The following ETFDH variants were observed in gnomAD, a reference collection of about 807,000 sequenced individuals.
ETFDH encodes the protein electron transfer flavoprotein-ubiquinone oxidoreductase, mitochondrial.
A neutral mutation model predicts 73.2 loss-of-function variants in ETFDH; 61 were observed. The ratio of observed to expected loss-of-function variants is 0.83; its 90% confidence interval spans 0.68 to 1.03. ETFDH has a LOEUF of 1.03. Among genes scored for constraint, ETFDH ranks in the 50% least tolerant of loss-of-function variants. The pLI is 0.00. For synonymous variants in ETFDH, 243 were observed against 253.3 expected (o/e 0.96, Z 0.39); for missense variants, 685 against 745.0 (o/e 0.92, Z 0.94).
At position 158,684,658 on chromosome 4, in the gene ETFDH, G is replaced by T. The variant is rs774614480; in HGVS notation, c.472G>T (p.Val158Leu). The T allele has an allele frequency of 3.8e-6, 6 of 1,559,938 alleles. No homozygotes were observed. Among genetic ancestry groups the T allele is most frequent in the Admixed American group, 1.7e-5 (1 of 59,946 alleles). Reference sequence around the variant, plus strand: ...TTTAACAGAGAAATACAGAATTCCTGTGCCAATTCTTCCAGGTAAGGTATA... The same window carrying T: ...TTTAACAGAGAAATACAGAATTCCTTTGCCAATTCTTCCAGGTAAGGTATA... ...GILTEKYRIPVPILPGLPMNN... is the reference protein window; with the variant it reads ...GILTEKYRIPLPILPGLPMNN... Residue 158 changes from valine to leucine, a missense_variant, in exon 4 of 13, where the codon GTG (valine) becomes TTG (leucine). Val to Leu is a conservative substitution (Grantham distance 32). Around this residue, in one of 3 missense-constraint regions of ETFDH, gnomAD observed 405 missense variants for 399.3 expected, o/e 1.01. Transcript: ENST00000511912.
intron 1 of ETFDH, chr4:158,680,200 T>C (rs1304716472): frequency 2.8e-6 from 1 of 351,016 alleles, no homozygotes; most frequent in East Asian, 6.3e-5. Flanking sequence ...TACTACTCCA[T>C]ATTACTCTCA....
At chr4:158,684,850 G>A (rs1359454782) in intron 4 of ETFDH, 177 bp downstream of exon 4, 5 of 627,426 alleles carry the variant, frequency 8.0e-6, no homozygotes, top group Non-Finnish European at 1.4e-5. Context: ...CAGTTCTTTT[G>A]TCTTCCAGTC....
rs574891258 is a variant in ETFDH, at chr4:158,702,668, A to G, written c.1117-755A>G. The stretch of plus-strand genomic sequence containing the variant: ...TCATTTGTTCTTCCAGCTGAATAGT[A>G]TTCCATTGTGTATATATATACCATG... On this transcript the variant is annotated intron_variant, in intron 9 of 12. Transcript: ENST00000511912. Among the ~76,000 whole-genome samples, 3 of 152,320 alleles carry G rather than the reference A, an allele frequency of 2.0e-5. No individual in the cohort carries two copies. The East Asian group carries it at 5.8e-4, about 29-fold the overall frequency.
chr4:158,693,861 A>T (rs536505245), intron 6 of ETFDH, among the ~76,000 whole-genome samples: 1 of 152,382 alleles, frequency 6.6e-6, no homozygotes, highest in African/African-American at 2.4e-5. Context: ...CATCGACAAG[A>T]AAAAAGACAA....
intron 9 of ETFDH, among the ~76,000 whole-genome samples, chr4:158,701,140 C>T (rs1004183614): frequency 6.6e-6 from 1 of 152,202 alleles, no homozygotes; most frequent in Non-Finnish European, 1.5e-5. Flanking sequence ...CCTCCTAGAA[C>T]TTAAAAACAT....
At chr4:158,675,767 T>TAAAA (rs1580390440) in intron 1 of ETFDH, among the ~76,000 whole-genome samples, 1 of 135,254 alleles carries the variant, frequency 7.4e-6, no homozygotes, top group African/African-American at 2.8e-5. Context: ...AGACCCTGTC[T>TAAAA]CAAAAAAAAA....
chr4:158,672,363 A>G lies in ETFDH; in HGVS notation c.-94A>G. On this transcript the variant is annotated 5_prime_UTR_variant, in exon 1 of 13. It removes an upstream start codon present in the reference 5' UTR. Coordinates refer to ENST00000511912, the MANE Select transcript of ETFDH (RefSeq NM_004453.4). Reference sequence around the variant, plus strand: ...CAGAGTTCTTGCTTTCCGGCAGGTGATGGCGCCCCCCGCGGCCTAGAGGTC... The same window carrying G: ...CAGAGTTCTTGCTTTCCGGCAGGTGGTGGCGCCCCCCGCGGCCTAGAGGTC... 2 of 1,322,070 alleles carry G rather than the reference A, an allele frequency of 1.5e-6. No individual in the cohort carries two copies. The highest frequency in any genetic ancestry group is 2.2e-6 in the Non-Finnish European group (2 of 914,710). 81.9% of individuals were successfully genotyped at this position (1,322,070 alleles called of 1,614,324 possible).
Position 158,706,245 on chromosome 4 carries a change from C to CTA in ETFDH, c.1346_1347dup (p.Ser450IlefsTer6). The stretch of plus-strand genomic sequence containing the variant: ...GAAGAACTCATGGGTATGGAAAGAG[C>CTA]TATATTCTGTTAGAAATATAAGACC... On this transcript the variant is annotated frameshift_variant, in exon 11 of 13. Transcript: ENST00000511912. LOFTEE classifies it high-confidence loss of function. 2 of 1,611,288 alleles carry CTA rather than the reference C, an allele frequency of 1.2e-6. No homozygotes were observed. The highest frequency in any genetic ancestry group is 1.7e-6 in the Non-Finnish European group (2 of 1,177,404).
rs367876973 is a variant in ETFDH, at chr4:158,708,576, G to A, written c.*49G>A. ...AAGTATGGCAAGCTAACGTTAAAAT[G>A]TTTAGAGATTAACAGATTTCAGAAT... On this transcript the variant is annotated 3_prime_UTR_variant, in exon 13 of 13. Coordinates refer to ENST00000511912, the MANE Select transcript of ETFDH (RefSeq NM_004453.4). The A allele has an allele frequency of 2.8e-6, 4 of 1,446,472 alleles. No homozygotes were observed. The highest frequency in any genetic ancestry group is 2.8e-5 in the African/African-American group (2 of 71,408). 89.6% of individuals were successfully genotyped at this position (1,446,472 alleles called of 1,614,324 possible).
intron 5 of ETFDH, among the ~76,000 whole-genome samples, chr4:158,686,323 A>G (rs1171774773): frequency 1.3e-5 from 2 of 152,240 alleles, no homozygotes; most frequent in Admixed American, 6.5e-5. Context: ...CAAGAAAAAC[A>G]TACCGCATTT....
At chr4:158,674,323 T>C (rs1241216111) in intron 1 of ETFDH, among the ~76,000 whole-genome samples, 1 of 152,316 alleles carries the variant, frequency 6.6e-6, no homozygotes, top group East Asian at 1.9e-4. Context: ...TTGGGGTTTT[T>C]TTGACACAGT....
intron 2 of ETFDH, among the ~76,000 whole-genome samples, chr4:158,681,380 G>A (rs574678346): frequency 5.3e-5 from 8 of 152,210 alleles, no homozygotes; most frequent in African/African-American, 1.9e-4. Flanking sequence ...TTTTAGCTAA[G>A]TGTTATTACA....
intron 1 of ETFDH, among the ~76,000 whole-genome samples, chr4:158,674,979 A>G (rs1773676899): frequency 6.6e-6 from 1 of 152,250 alleles, no homozygotes; most frequent in Non-Finnish European, 1.5e-5. Flanking sequence ...ATTCTAAAAA[A>G]AAAATTACCT....
rs538555370 is a variant in ETFDH at position 158,688,374 on chromosome 4, G to A, written c.607-1974G>A. 2.9e-4 allele frequency among the ~76,000 whole-genome samples: 32 copies of A among 110,296 alleles called. No homozygotes were observed. The South Asian group carries it at 0.01, about 35-fold the overall frequency. 72.4% of individuals were successfully genotyped at this position (110,296 alleles called of 152,430 possible). A position where few individuals can be genotyped will look rare whatever the true frequency, so the allele number is the denominator to read the frequency against. ...GCAACTGCACTCCAGCCTGGCAACAGAGTGAGACTCTGTCTCAAAAAAAAA... is the reference window on the plus strand; with the variant it reads ...GCAACTGCACTCCAGCCTGGCAACAAAGTGAGACTCTGTCTCAAAAAAAAA... On this transcript the variant is annotated intron_variant, in intron 5 of 12. Coordinates refer to ENST00000511912, the MANE Select transcript of ETFDH (RefSeq NM_004453.4).
intron 5 of ETFDH, among the ~76,000 whole-genome samples, chr4:158,688,622 G>A (rs1194551115): frequency 1.3e-5 from 2 of 151,988 alleles, no homozygotes; most frequent in East Asian, 1.9e-4. Context: ...GCAGTAAGTC[G>A]AGATCACGCC....
In ETFDH at chr4:158,674,185, T is replaced by C. The variant is rs537497876; in HGVS notation, c.34+1695T>C. Among the ~76,000 whole-genome samples, 9 of 152,356 alleles carry C rather than the reference T, an allele frequency of 5.9e-5. No individual in the cohort carries two copies. In the South Asian group the frequency reaches 1.7e-3, roughly 28 times the overall value. Reference sequence around the variant, plus strand: ...TATTTTAAATATTCGTTATAGTGTATTTGAACTCTTGAACTGAGTTCTAGA... The same window carrying C: ...TATTTTAAATATTCGTTATAGTGTACTTGAACTCTTGAACTGAGTTCTAGA... On this transcript the variant is annotated intron_variant, in intron 1 of 12. Transcript: ENST00000511912.
chr4:158,683,900 A>C (rs2150305922), intron 3 of ETFDH, among the ~76,000 whole-genome samples: 1 of 152,314 alleles, frequency 6.6e-6, no homozygotes, highest in Non-Finnish European at 1.5e-5. Flanking sequence ...CAGTGTAACA[A>C]CATGTTAATT....
rs772194053 is a variant in ETFDH, at chr4:158,703,539, A to C, written c.1233A>C (p.Ala411=). 27 of 1,609,334 alleles carry C rather than the reference A, an allele frequency of 1.7e-5. No homozygotes were observed. Among genetic ancestry groups the C allele is most frequent in the Non-Finnish European group, 2.0e-5 (24 of 1,175,842 alleles). Residue 411 remains alanine (A), a synonymous_variant, in exon 10 of 13, where the codon GCA becomes GCC. Transcript: ENST00000511912. The part of the protein sequence containing the change: ...HTAMKSGILA[A]ESIFNQLTSE... ...CAATGAAAAGTGGAATTTTAGCAGC[A>C]GAATCTATTTTTAATCAACTAACTA...
chr4:158,701,426 G>A (rs2150313288), intron 9 of ETFDH, among the ~76,000 whole-genome samples: 1 of 152,208 alleles, frequency 6.6e-6, no homozygotes, highest in South Asian at 2.1e-4. Context: ...TATCTAAGTG[G>A]TCCTAATCCT....
Sources: allele counts gnomAD v4.1 joint callset (sites outside exome capture counted in the v4.1 genomes callset), GRCh38; gene constraint gnomAD v4.1.1; regional missense constraint gnomAD v4.1.1; transcripts MANE v1.5; gene names NCBI Gene and HGNC (gene_info 2026-07-23, HGNC 2026-07-21).